TUSC3: variants seen among roughly 807,000 people sequenced by gnomAD.
The protein encoded by TUSC3 is dolichyl-diphosphooligosaccharide--protein glycosyltransferase subunit TUSC3.
A neutral mutation model predicts 44.8 loss-of-function variants in TUSC3; 45 were observed. The observed-to-expected ratio is 1.00, with a 90% CI of 0.79 to 1.29. The LOEUF is 1.29. Ranked by LOEUF, TUSC3 falls within the 50% of genes most tolerant of loss-of-function variation. TUSC3 has a pLI of 0.00. For synonymous variants in TUSC3, 212 were observed against 152.9 expected, an observed-to-expected ratio of 1.39 and a Z score of -2.85; for missense variants, 519 against 437.9, an observed-to-expected ratio of 1.19 and a Z score of -1.65.
intron 1 of TUSC3, among the ~76,000 whole-genome samples, chr8:15,467,389 G>A (rs1800428177): frequency 6.6e-6 from 1 of 152,020 alleles, no homozygotes; most frequent in South Asian, 2.1e-4. Flanking sequence ...CATGGTGTGT[G>A]GGAATTTGAG....
chr8:15,466,920 G>T (rs17576901), intron 1 of TUSC3, among the ~76,000 whole-genome samples: 27,728 of 152,006 alleles, frequency 0.18, 2,717 homozygotes, highest in Admixed American at 0.26. Flanking sequence ...TTATGTAAAA[G>T]ATTTCTTTCC....
intron 1 of TUSC3, among the ~76,000 whole-genome samples, chr8:15,458,340 A>T (rs774820673): frequency 6.6e-6 from 1 of 152,076 alleles, no homozygotes; most frequent in Non-Finnish European, 1.5e-5. Context: ...TCAGGCTCAA[A>T]CAATCCTCCC....
intron 3 of TUSC3, among the ~76,000 whole-genome samples, chr8:15,655,786 A>G (rs1363795768): frequency 6.6e-6 from 1 of 152,178 alleles, no homozygotes; most frequent in Non-Finnish European, 1.5e-5. Flanking sequence ...ATGGATAAAT[A>G]TATGCTAAAT....
In TUSC3 at chr8:15,765,866, C is replaced by T. The variant is rs555434339; in HGVS notation, c.*1710C>T. The T allele has an allele frequency of 3.0e-4, 45 of 152,088 alleles. No individual in the cohort carries two copies. Among genetic ancestry groups the T allele is most frequent in the African/African-American group, 1.1e-3 (45 of 41,532 alleles). 9.4% of individuals were successfully genotyped at this position (152,088 alleles called of 1,614,324 possible). On this transcript the variant is annotated 3_prime_UTR_variant, in exon 11 of 11. Transcript: ENST00000503731. ...ACTCAAAACTTCATACATAGAGACT[C>T]TCAGGTCAAATTTTACAAGTATTAA...
At chr8:15,555,053 A>G (rs1802198259) in intron 1 of TUSC3, among the ~76,000 whole-genome samples, 1 of 150,912 alleles carries the variant, frequency 6.6e-6, no homozygotes, top group Admixed American at 6.6e-5. Context: ...GATATAGAGA[A>G]TGTAAGGAAT....
At chr8:15,720,800 T>A (rs760651754) in intron 6 of TUSC3, among the ~76,000 whole-genome samples, 1 of 152,106 alleles carries the variant, frequency 6.6e-6, no homozygotes, top group Non-Finnish European at 1.5e-5. Context: ...GAGATTTTGC[T>A]TATATTGCGA....
chr8:15,758,122 C>G, intron 10 of TUSC3: 2 of 1,179,686 alleles, frequency 1.7e-6, no homozygotes, highest in African/African-American at 1.6e-5. Context: ...AACAAATATA[C>G]TTTCTTAACT....
chr8:15,475,251 A>T (rs1375936520), intron 1 of TUSC3, among the ~76,000 whole-genome samples: 2 of 152,182 alleles, frequency 1.3e-5, no homozygotes, highest in Non-Finnish European at 2.9e-5. Flanking sequence ...GACATAGAGA[A>T]ACTTGCCTGA....
chr8:15,729,156 C>G lies in TUSC3; in HGVS notation c.799-1510C>G, dbSNP rs189962057. Reference sequence around the variant, plus strand: ...GAGGCAAACTATTTTGCAGTTGTTACGTAAATTTGGCCATATTATCCTGTA... The same window carrying G: ...GAGGCAAACTATTTTGCAGTTGTTAGGTAAATTTGGCCATATTATCCTGTA... On this transcript the variant is annotated intron_variant, in intron 6 of 10. Transcript: ENST00000503731. Among the ~76,000 whole-genome samples, 914 of 152,222 alleles carry G rather than the reference C, an allele frequency of 6.0e-3. 11 individuals are homozygous for G. The highest frequency in any genetic ancestry group is 0.02 in the African/African-American group (850 of 41,550).
At chr8:15,807,143 T>G in the TUSC3 span, 2 of 954,360 alleles carry the variant, frequency 2.1e-6, no homozygotes, top group Non-Finnish European at 1.7e-6. Flanking sequence ...CAAGTCCACT[T>G]GGCAAAGCAA....
chr8:15,752,505 C>G (rs1461006434), intron 9 of TUSC3, among the ~76,000 whole-genome samples: 5 of 152,048 alleles, frequency 3.3e-5, no homozygotes, highest in Non-Finnish European at 7.4e-5. Flanking sequence ...GTTTGCAAAA[C>G]TAATAATTAT....
At chr8:15,686,546 C>G (rs1169820100) in intron 6 of TUSC3, among the ~76,000 whole-genome samples, 1 of 151,698 alleles carries the variant, frequency 6.6e-6, no homozygotes, top group Non-Finnish European at 1.5e-5. Flanking sequence ...ATCCAACTTT[C>G]TTCACTTTCA....
Position 15,443,336 on chromosome 8 carries a change from T to TTGTGTGTGTG in TUSC3, n.91+26067_91+26076dup, listed in dbSNP as rs57905950. 3.3e-3 allele frequency among the ~76,000 whole-genome samples: 439 copies of TTGTGTGTGTG among 132,992 alleles called. 3 individuals are homozygous for TTGTGTGTGTG. Among genetic ancestry groups the TTGTGTGTGTG allele is most frequent in the East Asian group, 6.7e-3 (28 of 4,156 alleles). The allele number at this position is 132,992 out of a possible 152,430, so 87.2% of individuals were successfully genotyped here. A position where few individuals can be genotyped will look rare whatever the true frequency, so the allele number is the denominator to read the frequency against. On this transcript the variant is annotated intron_variant and non_coding_transcript_variant, in intron 1 of 5. Transcript: ENST00000503191. ...GGTATACAACACCACACCCACCTAA[T>TTGTGTGTGTG]TGTGTGTGTGTGTGTGTGTGTGTGT...
Position 15,545,252 on chromosome 8 carries a change from C to G in TUSC3, c.138+4684C>G, listed in dbSNP as rs116357108. 5.2e-3 allele frequency among the ~76,000 whole-genome samples: 785 copies of G among 151,588 alleles called. 10 individuals carry two copies. Among genetic ancestry groups the G allele is most frequent in the African/African-American group, 0.018 (757 of 41,442 alleles). On this transcript the variant is annotated intron_variant, in intron 1 of 10. Transcript: ENST00000503731. ...GTCCACAGCAATAGATAGTTTATTA[C>G]CCAGCATTTGTACTGGTTCCTTGAG...
intron 7 of TUSC3, among the ~76,000 whole-genome samples, chr8:15,735,800 C>T (rs564668096): frequency 9.2e-5 from 14 of 152,190 alleles, no homozygotes; most frequent in African/African-American, 2.4e-4. Context: ...TCCGGGTTCA[C>T]GCCATTCTCC....
At chr8:15,438,440 A>C (rs1799979403) in intron 1 of TUSC3, among the ~76,000 whole-genome samples, 1 of 147,108 alleles carries the variant, frequency 6.8e-6, no homozygotes, top group East Asian at 1.9e-4. Context: ...AAGTATGTGC[A>C]TGGTGCCTGG....
intron 1 of TUSC3, among the ~76,000 whole-genome samples, chr8:15,604,432 TTTA>T (rs1237706244): frequency 1.3e-5 from 2 of 151,632 alleles, no homozygotes; most frequent in Non-Finnish European, 3.0e-5. Flanking sequence ...GGGTTTTTGT[TTTA>T]TTATTATTTG....
chr8:15,476,678 G>A (rs547656422), intron 1 of TUSC3, among the ~76,000 whole-genome samples: 1 of 152,296 alleles, frequency 6.6e-6, no homozygotes, highest in South Asian at 2.1e-4. Context: ...GAGATTTATT[G>A]AAAACAAAAG....
the TUSC3 span, among the ~76,000 whole-genome samples, chr8:15,819,695 G>T: frequency 6.6e-6 from 1 of 152,212 alleles, no homozygotes; most frequent in Non-Finnish European, 1.5e-5. Context: ...CATTCACTGA[G>T]TGCGACTTGA....
Sources: allele counts gnomAD v4.1 joint callset (sites outside exome capture counted in the v4.1 genomes callset), GRCh38; gene constraint gnomAD v4.1.1; transcripts MANE v1.5; gene names NCBI Gene and HGNC (gene_info 2026-07-23, HGNC 2026-07-21).